The following NRG1 variants were observed in gnomAD, a reference collection of about 807,000 sequenced individuals.
NRG1 encodes the protein neuregulin 1.
Under a neutral mutation model 63.8 loss-of-function variants are expected in NRG1, and 18 were observed. The observed-to-expected ratio is 0.28, with a 90% confidence interval of 0.19 to 0.42. The LOEUF (loss-of-function observed/expected upper bound fraction) is 0.42. Among genes scored for constraint, NRG1 ranks in the 10% least tolerant of loss-of-function variants. The pLI is 1.00. For synonymous variants in NRG1, 302 were observed against 301.3 expected, an observed-to-expected ratio of 1.00 and a Z score of -0.02; for missense variants, 762 against 814.7, an observed-to-expected ratio of 0.94 and a Z score of 0.79.
chr8:31,704,137 C>A (rs1810893916), intron 1 of NRG1, among the ~76,000 whole-genome samples: 1 of 152,164 alleles, frequency 6.6e-6, no homozygotes, highest in African/African-American at 2.4e-5. Context: ...CCCTATATTT[C>A]TACAAAGGTC....
At position 32,620,862 on chromosome 8, in the gene NRG1, G is replaced by GA. The variant is rs560353753; in HGVS notation, c.502+3984dup. On this transcript the variant is annotated intron_variant, in intron 5 of 11. Transcript: ENST00000356819. ...AAACAAAAAAAGAAAGAAAGAAAAA[G>GA]AAAAAAACAAAAAGAAGAAAATAGA... 2.7e-3 allele frequency among the ~76,000 whole-genome samples: 403 copies of GA among 151,446 alleles called. 3 individuals carry two copies. Among genetic ancestry groups the GA allele is most frequent in the African/African-American group, 8.9e-3 (369 of 41,282 alleles).
intron 1 of NRG1, among the ~76,000 whole-genome samples, chr8:32,556,208 G>C (rs546852960): frequency 1.3e-5 from 2 of 152,142 alleles, no homozygotes; most frequent in East Asian, 3.8e-4. Context: ...TATTCTTTAA[G>C]TAATAATGAC....
At position 32,751,301 on chromosome 8, in the gene NRG1, GACTGAAAAATGT is replaced by G. The variant is rs532933438; in HGVS notation, c.692-3070_692-3059del. On this transcript the variant is annotated intron_variant, in intron 7 of 11. Coordinates refer to ENST00000356819, the Ensembl canonical transcript of NRG1. ...TCTGTTTCTTGGCCAGGCCAGATCA[GACTGAAAAATGT>G]GCTTGATCTGGAAACATGTTAGTCC... 2.1e-3 allele frequency: 323 copies of G among 152,310 alleles called. 3 individuals carry two copies. Among genetic ancestry groups the G allele is most frequent in the African/African-American group, 7.4e-3 (309 of 41,572 alleles). 9.4% of individuals were successfully genotyped at this position (152,310 alleles called of 1,614,324 possible). A position where few individuals can be genotyped will look rare whatever the true frequency, so the allele number is the denominator to read the frequency against.
At position 32,347,072 on chromosome 8, in the gene NRG1, G is replaced by A. The variant is rs1035072804; in HGVS notation, c.38-248756G>A. ...TCTCGATCTCCTGACCTCGTGATCC[G>A]CCCGCCTCAGCCTTCTAAAGTGCTG... On this transcript the variant is annotated intron_variant, in intron 1 of 10. Transcript: ENST00000519301. Among the ~76,000 whole-genome samples the A allele has an allele frequency of 1.4e-4, 22 of 151,984 alleles. No homozygotes were observed. The South Asian group carries it at 3.9e-3, about 27-fold the overall frequency.
intron 1 of NRG1, among the ~76,000 whole-genome samples, chr8:32,020,922 A>G (rs754651711): frequency 6.6e-5 from 10 of 152,154 alleles, no homozygotes; most frequent in Non-Finnish European, 8.8e-5. Context: ...TATGAACACA[A>G]ATTCAAAGAT....
chr8:32,748,358 CAGAGAG>C (rs34657847), intron 7 of NRG1, among the ~76,000 whole-genome samples: 5,059 of 121,944 alleles, frequency 0.041, 116 homozygotes, highest in East Asian at 0.061. Flanking sequence ...CACACACACA[CAGAGAG>C]AGAGAGAGAG....
chr8:32,212,401 C>G (rs1390084595), intron 1 of NRG1, among the ~76,000 whole-genome samples: 2 of 152,086 alleles, frequency 1.3e-5, no homozygotes, highest in Admixed American at 6.6e-5. Flanking sequence ...TCAACTAAAA[C>G]TTTCTGTGCT....
At chr8:31,829,842 C>A (rs928145430) in intron 1 of NRG1, among the ~76,000 whole-genome samples, 6 of 152,196 alleles carry the variant, frequency 3.9e-5, no homozygotes, top group African/African-American at 1.4e-4. Context: ...CCACGAGAGC[C>A]AGCTGAGCAG....
intron 1 of NRG1, among the ~76,000 whole-genome samples, chr8:32,093,183 A>G (rs938232640): frequency 2.0e-5 from 3 of 152,150 alleles, no homozygotes; most frequent in African/African-American, 7.2e-5. Flanking sequence ...CCTAGCCCCA[A>G]CCGTGTGCTC....
chr8:32,715,660 A>G (rs1262036460), intron 5 of NRG1, among the ~76,000 whole-genome samples: 1 of 145,206 alleles, frequency 6.9e-6, no homozygotes, highest in Non-Finnish European at 1.5e-5. Context: ...TTTTTTTGAG[A>G]CAGAGTCTTG....
chr8:32,255,144 C>T (rs868654651), intron 1 of NRG1, among the ~76,000 whole-genome samples: 2 of 152,152 alleles, frequency 1.3e-5, no homozygotes, highest in African/African-American at 4.8e-5. Context: ...GACTCTTTCT[C>T]CAATCTGCCA....
At chr8:32,437,250 C>T (rs985316198) in intron 1 of NRG1, among the ~76,000 whole-genome samples, 2 of 152,080 alleles carry the variant, frequency 1.3e-5, no homozygotes, top group Non-Finnish European at 2.9e-5. Context: ...CCCGCAGCTT[C>T]CCCCAATGCC....
intron 1 of NRG1, among the ~76,000 whole-genome samples, chr8:32,555,616 C>T (rs1280063016): frequency 6.6e-6 from 1 of 152,156 alleles, no homozygotes; most frequent in Non-Finnish European, 1.5e-5. Context: ...GGACTACAGG[C>T]GCCCACCACC....
At chr8:31,951,222 A>G (rs923532829) in intron 1 of NRG1, among the ~76,000 whole-genome samples, 3 of 152,104 alleles carry the variant, frequency 2.0e-5, no homozygotes, top group Non-Finnish European at 4.4e-5. Flanking sequence ...CCCTTTATCC[A>G]TGCTTTGAGT....
At chr8:32,395,886 C>A (rs1195591491) in intron 1 of NRG1, among the ~76,000 whole-genome samples, 2 of 151,936 alleles carry the variant, frequency 1.3e-5, no homozygotes, top group South Asian at 4.1e-4. Context: ...GTCTATGATC[C>A]ATTTTACATT....
chr8:31,810,225 T>G (rs577917971), intron 1 of NRG1, among the ~76,000 whole-genome samples: 65 of 152,308 alleles, frequency 4.3e-4, no homozygotes, highest in African/African-American at 1.4e-3. Flanking sequence ...TTTCACTTAC[T>G]CTATTGCAGC....
chr8:32,712,565 T>C (rs1245724150), intron 5 of NRG1, among the ~76,000 whole-genome samples: 1 of 152,206 alleles, frequency 6.6e-6, no homozygotes, highest in African/African-American at 2.4e-5. Context: ...AATTCTGTCT[T>C]TGGAATCAGT....
At chr8:31,957,108 G>A (rs914614580) in intron 1 of NRG1, among the ~76,000 whole-genome samples, 29 of 152,106 alleles carry the variant, frequency 1.9e-4, no homozygotes, top group East Asian at 1.9e-4. Context: ...GTCAAATGCC[G>A]TAATGTTCTC....
intron 1 of NRG1, among the ~76,000 whole-genome samples, chr8:32,565,441 C>T (rs1021521944): frequency 6.6e-6 from 1 of 152,098 alleles, no homozygotes. Context: ...ACTAAAAGTA[C>T]GTTGGACCTT....
Sources: allele counts gnomAD v4.1 joint callset (sites outside exome capture counted in the v4.1 genomes callset), GRCh38; gene constraint gnomAD v4.1.1; transcripts MANE v1.5; gene names NCBI Gene and HGNC (gene_info 2026-07-23, HGNC 2026-07-21).